Variants in AFF3 observed in about 807,000 individuals in gnomAD.
The protein encoded by AFF3 is ALF transcription elongation factor 3.
AFF3 carries 32 observed loss-of-function variants against 129.7 expected under a neutral mutation model. The ratio of observed to expected loss-of-function variants is 0.25; its 90% CI spans 0.19 to 0.33. The LOEUF is 0.33. Ranked by LOEUF, AFF3 falls within the 10% of genes least tolerant of loss-of-function variation. The pLI is 1.00. For synonymous variants in AFF3, 644 were observed against 635.4 expected (o/e 1.01, Z -0.20); for missense variants, 1,373 against 1,592.0 (o/e 0.86, Z 2.34).
intron 7 of AFF3, among the ~76,000 whole-genome samples, chr2:99,867,706 C>T (rs1200123259): frequency 6.6e-6 from 1 of 152,246 alleles, no homozygotes; most frequent in East Asian, 1.9e-4. Flanking sequence ...CTCTCCATAT[C>T]CCCCCAATCC....
In AFF3 at chr2:99,626,316, C is replaced by CCCTT. The variant is rs147534863; in HGVS notation, c.1184+23306_1184+23309dup. Among the ~76,000 whole-genome samples the CCCTT allele has an allele frequency of 1.2e-4, 18 of 147,898 alleles. No individual in the cohort carries two copies. In the East Asian group the frequency reaches 3.0e-3, roughly 25 times the overall value. ...ATTCCTTTGGAAAGTCTGCCTCCCT[C>CCCTT]CCTTCCTTCCTTCCTTCCCTCCTCT... On this transcript the variant is annotated intron_variant, in intron 13 of 24. Transcript: ENST00000672756.
At chr2:99,763,750 T>C (rs1252924057) in intron 8 of AFF3, among the ~76,000 whole-genome samples, 1 of 152,110 alleles carries the variant, frequency 6.6e-6, no homozygotes. Flanking sequence ...CCAAAAAGAC[T>C]GCAAAAAAGA....
At chr2:99,892,091 G>A (rs1693608483) in intron 7 of AFF3, among the ~76,000 whole-genome samples, 1 of 152,144 alleles carries the variant, frequency 6.6e-6, no homozygotes, top group Non-Finnish European at 1.5e-5. Flanking sequence ...CAAAGTGCTG[G>A]GATTACAGGC....
chr2:99,601,316 G>A (rs1467728516), intron 14 of AFF3, 119 bp downstream of exon 14: 2 of 1,238,856 alleles, frequency 1.6e-6, no homozygotes, highest in East Asian at 2.9e-5. Flanking sequence ...CCAGCACCTG[G>A]CTTGGGGTCT....
chr2:99,820,253 C>T (rs1687553916), intron 8 of AFF3, among the ~76,000 whole-genome samples: 1 of 152,158 alleles, frequency 6.6e-6, no homozygotes, highest in Admixed American at 6.5e-5. Context: ...TGCTCATAGC[C>T]TACAAAACTG....
intron 13 of AFF3, among the ~76,000 whole-genome samples, chr2:99,627,282 G>T (rs1324986616): frequency 6.6e-6 from 1 of 152,036 alleles, no homozygotes; most frequent in Non-Finnish European, 1.5e-5. Flanking sequence ...ATTGGTGTGA[G>T]ATGGTATCTC....
chr2:99,728,796 G>C (rs1271381532), intron 10 of AFF3, among the ~76,000 whole-genome samples: 2 of 152,324 alleles, frequency 1.3e-5, no homozygotes, highest in Non-Finnish European at 1.5e-5. Context: ...AAAGGCTAAA[G>C]TAGCAAATTA....
At chr2:100,033,441 A>G (rs1252495329) in intron 4 of AFF3, among the ~76,000 whole-genome samples, 1 of 152,218 alleles carries the variant, frequency 6.6e-6, no homozygotes, top group Non-Finnish European at 1.5e-5. Context: ...TTACTTCTAT[A>G]TGAAACATCT....
intron 4 of AFF3, among the ~76,000 whole-genome samples, chr2:100,068,717 G>C (rs1687928706): frequency 6.6e-6 from 1 of 152,094 alleles, no homozygotes; most frequent in African/African-American, 2.4e-5. Flanking sequence ...ACTACTTCCA[G>C]CTGGGACTCC....
intron 13 of AFF3, among the ~76,000 whole-genome samples, chr2:99,612,438 G>A (rs1194213694): frequency 6.6e-6 from 1 of 152,196 alleles, no homozygotes; most frequent in Non-Finnish European, 1.5e-5. Context: ...TACCAAACCT[G>A]AAAAGGACAT....
At chr2:99,562,450 T>G (rs897339176) in intron 20 of AFF3, among the ~76,000 whole-genome samples, 3 of 152,352 alleles carry the variant, frequency 2.0e-5, no homozygotes, top group Admixed American at 1.3e-4. Flanking sequence ...AGTCCATTTT[T>G]GGGGTTTATA....
Position 99,593,420 on chromosome 2 carries a change from G to T in AFF3, c.2241C>A (p.Pro747=). ...ELEEQFYTLV[P]FGRNELLSPL... is the part of the protein sequence containing the mutation. ...GGGAGAGAAGTTCGTTCCGGCCAAAGGGGACCAGTGTGTAGAACTGCTCCT... is the reference window on the plus strand; with the variant it reads ...GGGAGAGAAGTTCGTTCCGGCCAAATGGGACCAGTGTGTAGAACTGCTCCT... Residue 747 remains proline, a synonymous_variant, in exon 15 of 25, where the codon CCC becomes CCA. Coordinates refer to ENST00000672756, the MANE Select transcript of AFF3 (RefSeq NM_001386135.1). 9 of 1,613,944 alleles carry T rather than the reference G, an allele frequency of 5.6e-6. No homozygotes were observed. The highest frequency in any genetic ancestry group is 7.6e-6 in the Non-Finnish European group (9 of 1,179,984).
At chr2:99,570,866 C>T (rs544698686) in intron 18 of AFF3, among the ~76,000 whole-genome samples, 1 of 152,346 alleles carries the variant, frequency 6.6e-6, no homozygotes, top group South Asian at 2.1e-4. Flanking sequence ...TCACTGAGTG[C>T]CTTCTAGGAG....
intron 2 of AFF3, among the ~76,000 whole-genome samples, chr2:100,123,462 T>A (rs574140078): frequency 2.6e-5 from 4 of 152,326 alleles, no homozygotes; most frequent in African/African-American, 9.6e-5. Context: ...CATTTTTCAC[T>A]TTACATTGAA....
rs1028602896 is a variant in AFF3 at position 99,548,960 on chromosome 2, C to T, written c.*2514G>A. 9 of 231,262 alleles carry T rather than the reference C, an allele frequency of 3.9e-5. No homozygotes were observed. The Admixed American group carries it at 4.5e-4, about 12-fold the overall frequency. 14.3% of individuals were successfully genotyped at this position (231,262 alleles called of 1,614,324 possible). ...TACACGCTCTGACCACTGCCCACAA[C>T]GGTAAGTTTCAAGAAGTTTTCCTGG... On this transcript the variant is annotated 3_prime_UTR_variant, in exon 25 of 25. Transcript: ENST00000672756.
chr2:100,060,994 C>T (rs1687225325), intron 4 of AFF3, among the ~76,000 whole-genome samples: 1 of 152,124 alleles, frequency 6.6e-6, no homozygotes, highest in Non-Finnish European at 1.5e-5. Context: ...GTAAAATATC[C>T]CTCAATGTAG....
At chr2:99,960,676 T>A (rs1184907142) in intron 7 of AFF3, among the ~76,000 whole-genome samples, 1 of 152,198 alleles carries the variant, frequency 6.6e-6, no homozygotes, top group African/African-American at 2.4e-5. Context: ...CCCTCTCCTG[T>A]CCTATCCTTT....
chr2:99,882,444 TG>T (rs542290046), intron 7 of AFF3, among the ~76,000 whole-genome samples: 1 of 152,176 alleles, frequency 6.6e-6, no homozygotes, highest in Non-Finnish European at 1.5e-5. Flanking sequence ...CACAGAAGCC[TG>T]GGGGGTCCTG....
rs575273518 is a variant in AFF3, at chr2:99,674,044, G to A, written c.1092-1455C>T. 1.3e-4 allele frequency among the ~76,000 whole-genome samples: 20 copies of A among 152,276 alleles called. No individual in the cohort carries two copies. The South Asian group carries it at 1.5e-3, about 11-fold the overall frequency. ...TTCTATTTGCTCTAGAGAATACAACGGAGAAACTTCTAAGTAGTTTTTAGG... is the reference window on the plus strand; with the variant it reads ...TTCTATTTGCTCTAGAGAATACAACAGAGAAACTTCTAAGTAGTTTTTAGG... On this transcript the variant is annotated intron_variant, in intron 11 of 24. Transcript: ENST00000672756.
Sources: allele counts gnomAD v4.1 joint callset (sites outside exome capture counted in the v4.1 genomes callset), GRCh38; gene constraint gnomAD v4.1.1; transcripts MANE v1.5; gene names NCBI Gene and HGNC (gene_info 2026-07-23, HGNC 2026-07-21).